Variants in DAG1 observed in about 807,000 individuals in gnomAD.
The protein encoded by DAG1 is dystroglycan 1, also known as dystroglycan 1 (dystrophin-associated glycoprotein 1).
DAG1 carries 8 observed loss-of-function variants against 46.1 expected under a neutral mutation model. That is an observed-to-expected ratio of 0.17 (90% CI 0.10 to 0.31). The LOEUF (loss-of-function observed/expected upper bound fraction) is 0.31. DAG1 is among the 10% of genes least tolerant of loss of function. DAG1 has a pLI of 1.00. For missense variants in DAG1, 1,003 were observed against 1,189.9 expected (o/e 0.84, Z 2.31); for synonymous variants, 495 against 481.8 (o/e 1.03, Z -0.36).
chr3:49,519,636 G>A (rs945802256), intron 2 of DAG1, among the ~76,000 whole-genome samples: 2 of 152,110 alleles, frequency 1.3e-5, no homozygotes, highest in African/African-American at 2.4e-5. Flanking sequence ...CGGGAAATGC[G>A]GGTTGGCGAT....
intron 1 of DAG1, among the ~76,000 whole-genome samples, chr3:49,482,140 A>G (rs564106740): frequency 5.9e-5 from 9 of 152,308 alleles, no homozygotes; most frequent in African/African-American, 2.2e-4. Flanking sequence ...TACAAGCAGT[A>G]TACTTGGTAA....
intron 1 of DAG1, 144 bp from the exon 2 acceptor site, chr3:49,510,275 G>C: frequency 1.7e-6 from 1 of 576,394 alleles, no homozygotes; most frequent in East Asian, 2.8e-5. Context: ...GCACGAAACT[G>C]TTGGTTTCTG....
chr3:49,508,643 G>T (rs2050677531), intron 1 of DAG1, among the ~76,000 whole-genome samples: 1 of 151,358 alleles, frequency 6.6e-6, no homozygotes, highest in Non-Finnish European at 1.5e-5. Flanking sequence ...CAGGTGATCT[G>T]CCTGCCTTGG....
chr3:49,483,930 A>C (rs552000937), intron 1 of DAG1, among the ~76,000 whole-genome samples: 84 of 152,294 alleles, frequency 5.5e-4, no homozygotes, highest in African/African-American at 1.7e-3. Flanking sequence ...TTGGGATTAC[A>C]GGCGTGAGCC....
Position 49,532,838 on chromosome 3 carries a change from G to T in DAG1, c.2327G>T (p.Arg776Leu), listed in dbSNP as rs753991804. The T allele has an allele frequency of 1.2e-6, 2 of 1,614,074 alleles. No individual in the cohort carries two copies. The highest frequency in any genetic ancestry group is 1.1e-5 in the South Asian group (1 of 91,076). The change falls in exon 3 of 3, where the codon CGC (arginine) becomes CTC (leucine). Residue 776 changes from arginine to leucine, a missense_variant. By Grantham distance (102) the Arg-to-Leu change is moderately radical (BLOSUM62 -2). Transcript: ENST00000308775. This position sits in a 1 kb window ranked among gnomAD's most constrained non-coding sequence, Gnocchi z 5.4. The stretch of plus-strand genomic sequence containing the variant: ...GGCATCATTGCCATGATCTGCTACC[G>T]CAAGAAGCGGAAGGGCAAGCTTACC... ...IAGIIAMICY[R>L]KKRKGKLTLE...
intron 1 of DAG1, among the ~76,000 whole-genome samples, chr3:49,475,331 C>T (rs1209766686): frequency 4.0e-5 from 6 of 150,616 alleles, no homozygotes; most frequent in Non-Finnish European, 7.4e-5. Context: ...ATCAAACTCC[C>T]GACCTCAAGT....
chr3:49,474,216 G>T (rs1205331732), intron 1 of DAG1, among the ~76,000 whole-genome samples: 1 of 151,860 alleles, frequency 6.6e-6, no homozygotes, highest in African/African-American at 2.4e-5. Flanking sequence ...CACCACACCC[G>T]GCTGATTTTT....
chr3:49,470,723 C>T (rs994151219), intron 1 of DAG1: 9 of 152,300 alleles, frequency 5.9e-5, no homozygotes, highest in Non-Finnish European at 1.2e-4. Context: ...AACGTGGAGC[C>T]TGCGCCTTGG....
intron 1 of DAG1, chr3:49,487,171 T>C: frequency 6.6e-6 from 1 of 152,422 alleles, no homozygotes; most frequent in East Asian, 1.9e-4. Flanking sequence ...ATTACAGGTA[T>C]GAGCCACCGT....
chr3:49,513,300 TC>T (rs2050811002), intron 2 of DAG1, among the ~76,000 whole-genome samples: 2 of 152,220 alleles, frequency 1.3e-5, no homozygotes, highest in African/African-American at 4.8e-5. Flanking sequence ...TGCTTAGGTG[TC>T]CTCAAAGCAC....
intron 1 of DAG1, among the ~76,000 whole-genome samples, chr3:49,483,717 C>A (rs1478353751): frequency 2.6e-5 from 4 of 152,148 alleles, no homozygotes; most frequent in Non-Finnish European, 5.9e-5. Flanking sequence ...GCCCTGTTGC[C>A]TACCTGGAGT....
chr3:49,486,179 C>G (rs1368460597), intron 1 of DAG1, among the ~76,000 whole-genome samples: 1 of 148,236 alleles, frequency 6.7e-6, no homozygotes, highest in Non-Finnish European at 1.5e-5. Flanking sequence ...CCACTATTTT[C>G]TTTTTCTTTT....
intron 1 of DAG1, among the ~76,000 whole-genome samples, chr3:49,477,451 C>T (rs1374773178): frequency 6.6e-6 from 1 of 152,038 alleles, no homozygotes; most frequent in Non-Finnish European, 1.5e-5. Flanking sequence ...GTCACCATGC[C>T]CGGCTAATTT....
At chr3:49,474,369 G>C (rs541249869) in intron 1 of DAG1, among the ~76,000 whole-genome samples, 1 of 150,134 alleles carries the variant, frequency 6.7e-6, no homozygotes, top group Non-Finnish European at 1.5e-5. Flanking sequence ...TTTTTGAGGT[G>C]GAGTTTCGCT....
At chr3:49,479,206 C>T (rs2049789761) in intron 1 of DAG1, among the ~76,000 whole-genome samples, 3 of 152,212 alleles carry the variant, frequency 2.0e-5, no homozygotes, top group South Asian at 4.2e-4. Context: ...CATCTATCCC[C>T]TCAGCCTGTT....
In DAG1 at chr3:49,531,923, T is replaced by C; in HGVS notation, c.1412T>C (p.Leu471Ser). ...ACCACCAAAGTTTCCATCACCAGAT[T>C]GGAAACTGCCTCACCGCCTACTCGT... ...RVTTKVSITRLETASPPTRIR... is the reference protein window; with the variant it reads ...RVTTKVSITRSETASPPTRIR... The change falls in exon 3 of 3, where the codon TTG (leucine) becomes TCG (serine). Residue 471 changes from leucine to serine, a missense_variant. Leu to Ser is a moderately radical substitution (Grantham distance 145). Coordinates refer to ENST00000308775, the MANE Select transcript of DAG1 (RefSeq NM_004393.6). The surrounding 1 kb of genome is among the most constrained non-coding windows in gnomAD (Gnocchi z 7.0). 1 of 1,614,134 alleles carries C rather than the reference T, an allele frequency of 6.2e-7. No homozygotes were observed. Among genetic ancestry groups the C allele is most frequent in the Non-Finnish European group, 8.5e-7 (1 of 1,180,032 alleles).
chr3:49,504,349 T>C (rs1487554910), intron 1 of DAG1, among the ~76,000 whole-genome samples: 1 of 152,124 alleles, frequency 6.6e-6, no homozygotes, highest in Non-Finnish European at 1.5e-5. Flanking sequence ...TTTTATTGTT[T>C]ATTAGTATTC....
chr3:49,483,857 GT>G (rs1235657078), intron 1 of DAG1, among the ~76,000 whole-genome samples: 7 of 151,750 alleles, frequency 4.6e-5, no homozygotes, highest in Non-Finnish European at 8.8e-5. Flanking sequence ...AAATTTTTTT[GT>G]AGCGATGTGG....
At chr3:49,475,256 C>A (rs573563883) in intron 1 of DAG1, among the ~76,000 whole-genome samples, 1 of 151,578 alleles carries the variant, frequency 6.6e-6, no homozygotes, top group Non-Finnish European at 1.5e-5. Context: ...AGGCATGCGT[C>A]AGCATGCCTG....
Sources: allele counts gnomAD v4.1 joint callset (sites outside exome capture counted in the v4.1 genomes callset), GRCh38; gene constraint gnomAD v4.1.1; non-coding constraint Gnocchi (gnomAD v3.1); transcripts MANE v1.5; gene names NCBI Gene and HGNC (gene_info 2026-07-23, HGNC 2026-07-21).